The following ZNF407 variants were observed in gnomAD, a reference collection of about 807,000 sequenced individuals.
The protein encoded by ZNF407 is zinc finger protein 407.
In ZNF407, 17 loss-of-function variants were observed where a neutral mutation model predicts 131.2. That is an observed-to-expected ratio of 0.13 (90% CI 0.09 to 0.19). The LOEUF is 0.19. Among genes scored for constraint, ZNF407 ranks in the 10% least tolerant of loss-of-function variants. The probability of loss-of-function intolerance (pLI) is 1.00; values close to 1 mark genes in which losing one functional copy is unlikely to be tolerated. For synonymous variants in ZNF407, 1,156 were observed against 1,062.0 expected (o/e 1.09, Z -1.72); for missense variants, 2,681 against 2,830.6 (o/e 0.95, Z 1.20).
chr18:74,663,099 C>T (rs1264538130), intron 3 of ZNF407, among the ~76,000 whole-genome samples: 1 of 152,122 alleles, frequency 6.6e-6, no homozygotes, highest in Admixed American at 6.5e-5. Context: ...GGAAAGCAAC[C>T]ATTGTAACCT....
At chr18:74,998,252 T>C (rs1183004600) in intron 8 of ZNF407, among the ~76,000 whole-genome samples, 1 of 152,218 alleles carries the variant, frequency 6.6e-6, no homozygotes, top group Admixed American at 6.5e-5. Context: ...TTTACTCAGC[T>C]TAGCTCAGTG....
At chr18:74,755,875 C>T (rs1599127597) in intron 3 of ZNF407, among the ~76,000 whole-genome samples, 8 of 69,162 alleles carry the variant, frequency 1.2e-4, no homozygotes, top group South Asian at 7.7e-4. Flanking sequence ...CTTCCTTCCT[C>T]TTTTCCTTCC....
chr18:74,670,608 A>G (rs1425809625), intron 3 of ZNF407, among the ~76,000 whole-genome samples: 1 of 152,258 alleles, frequency 6.6e-6, no homozygotes, highest in African/African-American at 2.4e-5. Flanking sequence ...GTGACTTAGG[A>G]TAAGGAAATA....
In ZNF407 at chr18:75,063,295, G is replaced by A. The variant is rs377247781; in HGVS notation, c.5574G>A (p.Pro1858=). The part of the protein sequence containing the change: ...KPLRSSRRPA[P]PPEQVQQVII... ...TCAGAAGCAGCAGGAGGCCAGCGCCGCCCCCTGAGCAGGTGCAGCAGGTCA... is the reference window on the plus strand; with the variant it reads ...TCAGAAGCAGCAGGAGGCCAGCGCCACCCCCTGAGCAGGTGCAGCAGGTCA... Residue 1858 remains proline (P), a synonymous_variant, in exon 9 of 9, where the codon CCG becomes CCA. Coordinates refer to ENST00000299687, the MANE Select transcript of ZNF407 (RefSeq NM_017757.3). The surrounding 1 kb of genome is among the most constrained non-coding windows in gnomAD (Gnocchi z 6.6). 2.9e-5 allele frequency: 46 copies of A among 1,613,528 alleles called. No homozygotes were observed. The African/African-American group carries it at 2.9e-4, about 10-fold the overall frequency.
At chr18:74,600,056 T>A (rs1470985926) in intron 1 of ZNF407, among the ~76,000 whole-genome samples, 1 of 152,192 alleles carries the variant, frequency 6.6e-6, no homozygotes, top group Admixed American at 6.5e-5. Flanking sequence ...AGTAAAATGA[T>A]GAACAAGATA....
In ZNF407 at chr18:75,047,068, A is replaced by T. The variant is rs193085679; in HGVS notation, c.5429-16082A>T. Among the ~76,000 whole-genome samples, 149 of 152,356 alleles carry T rather than the reference A, an allele frequency of 9.8e-4. 1 individual carries two copies. Among genetic ancestry groups the T allele is most frequent in the East Asian group, 2.9e-3 (15 of 5,188 alleles). The stretch of plus-strand genomic sequence containing the variant: ...GGGATTCTGATTTGTTTATTTATAT[A>T]CATCTTAAAAATTGGACAATAAACC... On this transcript the variant is annotated intron_variant, in intron 8 of 8. Coordinates refer to ENST00000299687, the MANE Select transcript of ZNF407 (RefSeq NM_017757.3).
At chr18:75,027,215 G>A (rs78530625) in intron 8 of ZNF407, among the ~76,000 whole-genome samples, 117 of 152,278 alleles carry the variant, frequency 7.7e-4, no homozygotes, top group African/African-American at 2.4e-3. Context: ...TGAGCTGTGC[G>A]GCACATTCAA....
rs373387206 is a variant in ZNF407, at chr18:74,774,988, A to G, written c.4803-6440A>G. On this transcript the variant is annotated intron_variant, in intron 3 of 8. Transcript: ENST00000299687. Reference sequence around the variant, plus strand: ...AGTGGTGAGCCGGTTTGGAGAGGGTACAAGTATTTCATGTATTGTCTTTTC... The same window carrying G: ...AGTGGTGAGCCGGTTTGGAGAGGGTGCAAGTATTTCATGTATTGTCTTTTC... 3.5e-4 allele frequency among the ~76,000 whole-genome samples: 54 copies of G among 152,310 alleles called. No homozygotes were observed. In the South Asian group the frequency reaches 0.011, roughly 32 times the overall value.
chr18:74,704,362 G>A (rs1468939466), intron 3 of ZNF407, among the ~76,000 whole-genome samples: 2 of 152,186 alleles, frequency 1.3e-5, no homozygotes, highest in Non-Finnish European at 2.9e-5. Context: ...ATCAGGACGT[G>A]CTGTTAAACA....
intron 8 of ZNF407, among the ~76,000 whole-genome samples, chr18:75,049,109 G>A (rs868626540): frequency 9.3e-6 from 1 of 107,700 alleles, no homozygotes; most frequent in South Asian, 3.2e-4. Context: ...GGGTGGGGGG[G>A]GGGTGGGGGA....
intron 1 of ZNF407, among the ~76,000 whole-genome samples, chr18:74,603,863 T>C (rs1327203942): frequency 6.6e-6 from 1 of 152,230 alleles, no homozygotes; most frequent in East Asian, 1.9e-4. Context: ...TATTTTCTAT[T>C]ATGGATATAT....
intron 8 of ZNF407, among the ~76,000 whole-genome samples, chr18:74,991,519 A>C (rs1211490629): frequency 6.6e-6 from 1 of 152,260 alleles, no homozygotes; most frequent in Non-Finnish European, 1.5e-5. Context: ...TTTTCTATTT[A>C]AAATGGGCTG....
chr18:75,023,471 A>G (rs574506847), intron 8 of ZNF407, among the ~76,000 whole-genome samples: 29 of 152,318 alleles, frequency 1.9e-4, no homozygotes, highest in African/African-American at 6.0e-4. Context: ...AATGTATCAT[A>G]TAAGTTAATT....
chr18:75,000,703 T>C (rs577944549), intron 8 of ZNF407, among the ~76,000 whole-genome samples: 1 of 152,340 alleles, frequency 6.6e-6, no homozygotes, highest in South Asian at 2.1e-4. Flanking sequence ...GCATCATTTT[T>C]ATATATTTTA....
At chr18:74,777,919 C>CA (rs1181846628) in intron 3 of ZNF407, among the ~76,000 whole-genome samples, 2 of 151,750 alleles carry the variant, frequency 1.3e-5, no homozygotes, top group South Asian at 4.2e-4. Flanking sequence ...CCTGTCTCTA[C>CA]AAAAAAAATT....
chr18:74,719,183 A>G (rs1967966636), intron 3 of ZNF407, among the ~76,000 whole-genome samples: 1 of 149,002 alleles, frequency 6.7e-6, no homozygotes, highest in African/African-American at 2.5e-5. Flanking sequence ...TGTATTGGGA[A>G]CATTCAATAT....
intron 4 of ZNF407, among the ~76,000 whole-genome samples, chr18:74,800,001 C>G (rs1300661911): frequency 6.8e-6 from 1 of 146,166 alleles, no homozygotes; most frequent in Non-Finnish European, 1.5e-5. Context: ...CATGGTCCAT[C>G]TTGATCATTC....
intron 3 of ZNF407, among the ~76,000 whole-genome samples, chr18:74,737,608 G>C (rs1375890664): frequency 6.6e-6 from 1 of 152,250 alleles, no homozygotes; most frequent in East Asian, 1.9e-4. Flanking sequence ...GTGCATGTGT[G>C]TGGATACATA....
chr18:74,623,255 AGT>A (rs201637323), intron 1 of ZNF407, among the ~76,000 whole-genome samples: 1,853 of 150,322 alleles, frequency 0.012, 27 homozygotes, highest in African/African-American at 0.043. Context: ...TGTGCATGTG[AGT>A]GTGTGTGTGC....
Sources: allele counts gnomAD v4.1 joint callset (sites outside exome capture counted in the v4.1 genomes callset), GRCh38; gene constraint gnomAD v4.1.1; non-coding constraint Gnocchi (gnomAD v3.1); transcripts MANE v1.5; gene names NCBI Gene and HGNC (gene_info 2026-07-23, HGNC 2026-07-21).